Variants in NAA15 observed in about 807,000 individuals in gnomAD.
NAA15 encodes the protein N-terminal acetyltransferase.
In NAA15, 34 loss-of-function variants were observed where a neutral mutation model predicts 114.0. That is an observed-to-expected ratio of 0.30 (90% CI 0.23 to 0.40). The LOEUF is 0.40. Ranked by LOEUF, NAA15 falls within the 10% of genes least tolerant of loss-of-function variation. The pLI is 1.00. For synonymous variants in NAA15, 340 were observed against 338.0 expected (o/e 1.01, Z -0.06); for missense variants, 658 against 1,004.5 (o/e 0.66, Z 4.66).
chr4:139,354,129 A>G (rs569376921), intron 10 of NAA15, 31 bp downstream of exon 10: 15 of 1,545,860 alleles, frequency 9.7e-6, no homozygotes, highest in Middle Eastern at 1.8e-4. Flanking sequence ...TTTTAAAAAC[A>G]TCTTGAAAAT....
intron 2 of NAA15, among the ~76,000 whole-genome samples, chr4:139,334,735 GA>G (rs751907824): frequency 2.6e-5 from 4 of 152,168 alleles, no homozygotes; most frequent in Non-Finnish European, 4.4e-5. Flanking sequence ...TGGATGGTGA[GA>G]TATTTGTAGA....
At chr4:139,321,638 A>ATT (rs35673045) in intron 1 of NAA15, among the ~76,000 whole-genome samples, 1,546 of 132,492 alleles carry the variant, frequency 0.012, 16 homozygotes, top group East Asian at 0.027. Context: ...CGCCTGGCTA[A>ATT]TTTTTTTTTT....
At chr4:139,315,007 T>G (rs1226991285) in intron 1 of NAA15, among the ~76,000 whole-genome samples, 1 of 70,152 alleles carries the variant, frequency 1.4e-5, no homozygotes, top group Non-Finnish European at 3.0e-5. Flanking sequence ...TCAGTTTAGT[T>G]TAGGTTAGGT....
At chr4:139,326,218 G>A (rs977932670) in intron 1 of NAA15, among the ~76,000 whole-genome samples, 1 of 152,094 alleles carries the variant, frequency 6.6e-6, no homozygotes, top group African/African-American at 2.4e-5. Context: ...TCTGTATCTG[G>A]ATTGTCTGGG....
intron 14 of NAA15, among the ~76,000 whole-genome samples, chr4:139,367,376 A>G (rs886089834): frequency 1.3e-5 from 2 of 152,164 alleles, no homozygotes; most frequent in Non-Finnish European, 2.9e-5. Flanking sequence ...GTTGTTTGCA[A>G]CTGAGTAGTT....
At position 139,386,128 on chromosome 4, in the gene NAA15, T is replaced by C; in HGVS notation, c.2303-5T>C. On this transcript the variant is annotated splice_region_variant and splice_polypyrimidine_tract_variant and intron_variant, in intron 18 of 19. Coordinates refer to ENST00000296543, the MANE Select transcript of NAA15 (RefSeq NM_057175.5). ...AAATAAATTTCCTATTTCCCTCTCA[T>C]TTAGCTGCCAAAATGGTATATTACT... is the stretch of plus-strand genomic sequence containing the variant. 1 of 1,549,346 alleles carries C rather than the reference T, an allele frequency of 6.5e-7. No homozygotes were observed. Among genetic ancestry groups the C allele is most frequent in the Non-Finnish European group, 8.8e-7 (1 of 1,137,876 alleles).
At chr4:139,379,210 A>G (rs939584063) in intron 17 of NAA15, 18 of 165,008 alleles carry the variant, frequency 1.1e-4, no homozygotes, top group Non-Finnish European at 1.8e-4. Context: ...TTTTCTCCTT[A>G]TTTATCTGTA....
intron 1 of NAA15, among the ~76,000 whole-genome samples, chr4:139,308,976 T>C (rs1746122573): frequency 6.6e-6 from 1 of 152,058 alleles, no homozygotes; most frequent in Non-Finnish European, 1.5e-5. Context: ...GAAAACAAAA[T>C]GCAGTTTTGC....
chr4:139,347,831 G>C (rs1747636170), intron 6 of NAA15, among the ~76,000 whole-genome samples: 1 of 150,118 alleles, frequency 6.7e-6, no homozygotes, highest in Non-Finnish European at 1.5e-5. Flanking sequence ...AGGAGATCGA[G>C]ACCATCCTGG....
chr4:139,366,610 T>G (rs1038372894), intron 14 of NAA15, among the ~76,000 whole-genome samples: 49 of 151,142 alleles, frequency 3.2e-4, no homozygotes, highest in Admixed American at 1.6e-3. Context: ...TGGGTTTTTT[T>G]TTTTTTTTAA....
intron 1 of NAA15, among the ~76,000 whole-genome samples, chr4:139,307,524 C>T (rs1348750682): frequency 6.6e-6 from 1 of 152,214 alleles, no homozygotes; most frequent in African/African-American, 2.4e-5. Context: ...GCCTTGGCTT[C>T]CCAAAGTGCT....
chr4:139,350,762 TAGG>T (rs1305324722), intron 7 of NAA15, among the ~76,000 whole-genome samples: 1 of 152,146 alleles, frequency 6.6e-6, no homozygotes, highest in Non-Finnish European at 1.5e-5. Context: ...CATGAATAGT[TAGG>T]AGAAGTACCA....
rs1183492668 is a variant in NAA15, at chr4:139,370,351, G to C, written c.1894G>C (p.Asp632His). ...RNQKKKKDDDDEEIGGPKEEL... is the reference protein window; with the variant it reads ...RNQKKKKDDDHEEIGGPKEEL... ...TCAGAAAAAGAAGAAGGATGATGATGATGAGGAGATAGGAGGTCCAAAAGA... is the reference window on the plus strand; with the variant it reads ...TCAGAAAAAGAAGAAGGATGATGATCATGAGGAGATAGGAGGTCCAAAAGA... Residue 632 changes from aspartate (D) to histidine (H), a missense_variant, in exon 15 of 20, where the codon GAT (aspartate) becomes CAT (histidine). Around this residue, in one of 6 missense-constraint regions of NAA15, gnomAD observed 275 missense variants for 371.1 expected, o/e 0.74. Coordinates refer to ENST00000296543, the MANE Select transcript of NAA15 (RefSeq NM_057175.5). 2 of 1,593,144 alleles carry C rather than the reference G, an allele frequency of 1.3e-6. No individual in the cohort carries two copies. The highest frequency in any genetic ancestry group is 8.5e-7 in the Non-Finnish European group (1 of 1,171,050).
intron 16 of NAA15, 151 bp downstream of exon 16, chr4:139,376,624 G>T (rs774049219): frequency 1.1e-5 from 7 of 626,004 alleles, no homozygotes; most frequent in Non-Finnish European, 1.7e-5. Flanking sequence ...AACAGAATGT[G>T]TAGGGAGATA....
At chr4:139,308,137 A>G (rs1318244217) in intron 1 of NAA15, among the ~76,000 whole-genome samples, 2 of 151,588 alleles carry the variant, frequency 1.3e-5, no homozygotes, top group Non-Finnish European at 2.9e-5. Context: ...AATTTTTTGT[A>G]TTTTTAGTAG....
At chr4:139,368,324 C>G (rs1007264073) in intron 14 of NAA15, among the ~76,000 whole-genome samples, 6 of 152,096 alleles carry the variant, frequency 3.9e-5, no homozygotes, top group Non-Finnish European at 7.4e-5. Flanking sequence ...TGCCTGTAGT[C>G]CTAATGCTTT....
intron 1 of NAA15, among the ~76,000 whole-genome samples, chr4:139,320,560 G>T (rs908217770): frequency 6.6e-6 from 1 of 151,950 alleles, no homozygotes; most frequent in Admixed American, 6.6e-5. Flanking sequence ...TCACTCTGTC[G>T]TCCAGGCTGG....
intron 4 of NAA15, 116 bp from the exon 5 acceptor site, chr4:139,342,710 A>C: frequency 5.6e-6 from 5 of 888,386 alleles, no homozygotes; most frequent in South Asian, 1.7e-5. Flanking sequence ...AGCCTCCCAA[A>C]GTGCTGGGAT....
chr4:139,344,369 A>G (rs767917011), intron 6 of NAA15, 30 bp downstream of exon 6: 6 of 1,565,308 alleles, frequency 3.8e-6, no homozygotes, highest in Admixed American at 3.5e-5. Flanking sequence ...CATTTATTCT[A>G]ATATTGAAAT....
Sources: gnomAD v4.1 joint callset for allele counts (sites outside exome capture counted in the v4.1 genomes callset) on GRCh38, gnomAD v4.1.1 for gene constraint, gnomAD v4.1.1 regional missense constraint, MANE v1.5 for transcripts, NCBI Gene and HGNC (gene_info 2026-07-23, HGNC 2026-07-21) for gene names.